Variants in AFF4 observed in about 807,000 individuals in gnomAD.
AFF4 encodes the protein AF4/FMR2 family member 4.
Under a neutral mutation model 124.8 loss-of-function variants are expected in AFF4, and 13 were observed. The observed-to-expected ratio is 0.10, with a 90% CI of 0.07 to 0.17. The LOEUF is 0.17. Among genes scored for constraint, AFF4 ranks in the 10% least tolerant of loss-of-function variants. The pLI is 1.00. For missense variants in AFF4, 1,092 were observed against 1,403.8 expected (o/e 0.78, Z 3.55); for synonymous variants, 477 against 496.1 (o/e 0.96, Z 0.51).
In AFF4 at chr5:132,888,171, A is replaced by G; in HGVS notation, c.2733-11T>C. On this transcript the variant is annotated splice_polypyrimidine_tract_variant and intron_variant, in intron 14 of 20. Transcript: ENST00000265343. Reference sequence around the variant, plus strand: ...TCTGCTGAATAATTTCTGCAAGACAAATTTTCATTATAAATAGAATAGTAA... The same window carrying G: ...TCTGCTGAATAATTTCTGCAAGACAGATTTTCATTATAAATAGAATAGTAA... 6.3e-7 allele frequency: 1 copy of G among 1,592,728 alleles called. No individual in the cohort carries two copies. The highest frequency in any genetic ancestry group is 8.6e-7 in the Non-Finnish European group (1 of 1,165,106).
Position 132,896,989 on chromosome 5 carries a change from C to A in AFF4, c.1641G>T (p.Gln547His). ...TGCTGTCACTCTGTGCAGGAGATTT[C>A]TGCCTCCCACGCCCACTTTCTGATC... Reference protein sequence around the residue: ...QKGSESGRGRQKSPAQSDSTT... With the variant: ...QKGSESGRGRHKSPAQSDSTT... Residue 547 changes from glutamine to histidine, a missense_variant, in exon 11 of 21, where the codon CAG becomes CAT. Around this residue, in one of 11 missense-constraint regions of AFF4, gnomAD observed 174 missense variants for 205.9 expected, o/e 0.84. Transcript: ENST00000265343. 6.2e-7 allele frequency: 1 copy of A among 1,614,210 alleles called. No homozygotes were observed. The highest frequency in any genetic ancestry group is 1.1e-5 in the South Asian group (1 of 91,082).
chr5:132,896,762 G>C lies in AFF4; in HGVS notation c.1868C>G (p.Pro623Arg), dbSNP rs141018136. 10 of 1,614,008 alleles carry C rather than the reference G, an allele frequency of 6.2e-6. No individual in the cohort carries two copies. The highest frequency in any genetic ancestry group is 1.3e-5 in the African/African-American group (1 of 74,896). The change falls in exon 11 of 21, where the codon CCT (proline) becomes CGT (arginine). Residue 623 changes from proline (P) to arginine (R), a missense_variant. Physicochemically the swap from Pro to Arg is moderately radical, Grantham distance 103. Coordinates refer to ENST00000265343, the MANE Select transcript of AFF4 (RefSeq NM_014423.4). ...CTTATATTTCTTTTTCTCTGCTGTA[G>C]GTCGAGGGGAAGACTTAGACTCCTT... Reference protein sequence around the residue: ...IKKESKSSPRPTAEKKKYKST... With the variant: ...IKKESKSSPRRTAEKKKYKST...
Position 132,946,060 on chromosome 5 carries a change from C to CA in AFF4, c.-4-8868dup, listed in dbSNP as rs563486879. ...GGGCAACAAGAGCAAAACTCTGTCT[C>CA]AAAAAAAATAAATTAATAAACAAGT... On this transcript the variant is annotated intron_variant, in intron 1 of 20. Transcript: ENST00000265343. Among the ~76,000 whole-genome samples the CA allele has an allele frequency of 4.0e-5, 6 of 151,406 alleles. No individual in the cohort carries two copies. In the South Asian group the frequency reaches 8.3e-4, roughly 21 times the overall value.
rs34693660 is a variant in AFF4 at position 132,920,771 on chromosome 5, T to C, written c.1050+6350A>G. 4.6e-3 allele frequency among the ~76,000 whole-genome samples: 702 copies of C among 152,160 alleles called. 9 individuals carry two copies. The highest frequency in any genetic ancestry group is 0.035 in the South Asian group (171 of 4,820). On this transcript the variant is annotated intron_variant, in intron 5 of 20. Coordinates refer to ENST00000265343, the MANE Select transcript of AFF4 (RefSeq NM_014423.4). ...GGACACTATTAAGAGAATGAAAAGG[T>C]AGTCCACAGAGCAAGAAAACAAAAT...
intron 1 of AFF4, chr5:132,943,394 G>A (rs1354263440): frequency 1.1e-5 from 2 of 187,372 alleles, no homozygotes; most frequent in African/African-American, 2.4e-5. Flanking sequence ...CTTGGTTCAA[G>A]GGATGGAAAG....
chr5:132,879,804 CA>C lies in AFF4; in HGVS notation c.*1254del, dbSNP rs560563302. ...GGCTCCACTCCCTGTCCCAAGAGCT[CA>C]CACTGAATCAAGTTAGGTACACTTT... On this transcript the variant is annotated 3_prime_UTR_variant, in exon 21 of 21. Coordinates refer to ENST00000265343, the MANE Select transcript of AFF4 (RefSeq NM_014423.4). 504 of 227,488 alleles carry C rather than the reference CA, an allele frequency of 2.2e-3. 1 individual carries two copies. The highest frequency in any genetic ancestry group is 6.7e-3 in the Middle Eastern group (5 of 742). 14.1% of individuals were successfully genotyped at this position (227,488 alleles called of 1,614,324 possible).
At chr5:132,961,482 G>A (rs1286417109) in intron 1 of AFF4, among the ~76,000 whole-genome samples, 2 of 151,970 alleles carry the variant, frequency 1.3e-5, no homozygotes, top group East Asian at 3.9e-4. Context: ...CTCTCAAAGT[G>A]CTAAAGTGCT....
chr5:132,924,931 T>C (rs1761134133), intron 5 of AFF4, among the ~76,000 whole-genome samples: 2 of 151,890 alleles, frequency 1.3e-5, no homozygotes, highest in South Asian at 4.1e-4. Context: ...ATCCTAGCAC[T>C]TTGGGAGGCC....
intron 1 of AFF4, among the ~76,000 whole-genome samples, chr5:132,955,524 A>C (rs1429702729): frequency 6.6e-6 from 1 of 152,098 alleles, no homozygotes; most frequent in Non-Finnish European, 1.5e-5. Context: ...TATGCCTGTA[A>C]TCTGAACACT....
At chr5:132,907,538 C>G (rs1476375530) in intron 5 of AFF4, among the ~76,000 whole-genome samples, 1 of 152,080 alleles carries the variant, frequency 6.6e-6, no homozygotes, top group Non-Finnish European at 1.5e-5. Context: ...CTGTAATAAA[C>G]ACAATGAAGG....
At chr5:132,916,286 G>A (rs1489450493) in intron 5 of AFF4, among the ~76,000 whole-genome samples, 1 of 144,096 alleles carries the variant, frequency 6.9e-6, no homozygotes, top group Non-Finnish European at 1.5e-5. Flanking sequence ...AAGCAGGACA[G>A]TCTCAATAGC....
intron 5 of AFF4, among the ~76,000 whole-genome samples, chr5:132,924,425 T>C (rs1761122942): frequency 6.6e-6 from 1 of 152,092 alleles, no homozygotes; most frequent in African/African-American, 2.4e-5. Flanking sequence ...TGACATAAAA[T>C]AGATCAGAAA....
chr5:132,891,994 G>A (rs1760270397), intron 13 of AFF4, 170 bp downstream of exon 13: 3 of 1,074,924 alleles, frequency 2.8e-6, no homozygotes, highest in Non-Finnish European at 4.0e-6. Context: ...CACCTTCACA[G>A]TCTTATATCA....
chr5:132,914,658 G>C (rs1425504197), intron 5 of AFF4, among the ~76,000 whole-genome samples: 1 of 150,140 alleles, frequency 6.7e-6, no homozygotes. Context: ...GAAAGATCAG[G>C]GTGGAAATCA....
chr5:132,919,180 C>G (rs1011031708), intron 5 of AFF4, among the ~76,000 whole-genome samples: 2 of 152,150 alleles, frequency 1.3e-5, no homozygotes, highest in Non-Finnish European at 2.9e-5. Flanking sequence ...GCCACTGTGC[C>G]CAGCCTAAAA....
chr5:132,937,091 A>G lies in AFF4; in HGVS notation c.99T>C (p.Pro33=). 1 of 1,613,504 alleles carries G rather than the reference A, an allele frequency of 6.2e-7. No homozygotes were observed. The highest frequency in any genetic ancestry group is 1.7e-5 in the Admixed American group (1 of 60,012). ...CAACTTTGTATGGCTCTGCAAAGAGAGGAGAGCTAGGTGGGAAGGCGTCTT... is the reference window on the plus strand; with the variant it reads ...CAACTTTGTATGGCTCTGCAAAGAGGGGAGAGCTAGGTGGGAAGGCGTCTT... The part of the protein sequence containing the change: ...QGEDAFPPSS[P]LFAEPYKVTS... Residue 33 remains proline (P), a synonymous_variant, in exon 2 of 21, where the codon CCT becomes CCC. Transcript: ENST00000265343.
At chr5:132,889,254 T>A in intron 13 of AFF4, 81 bp from the exon 14 acceptor site, 2 of 995,070 alleles carry the variant, frequency 2.0e-6, no homozygotes, top group Non-Finnish European at 3.0e-6. Context: ...CAGCCACTGG[T>A]AAAAAGGAAA....
chr5:132,884,976 T>A, intron 19 of AFF4, 100 bp downstream of exon 19: 1 of 721,584 alleles, frequency 1.4e-6, no homozygotes, highest in Non-Finnish European at 2.3e-6. Context: ...ATGGTTTTAC[T>A]TATTTAAAAA....
intron 5 of AFF4, among the ~76,000 whole-genome samples, chr5:132,925,752 A>G (rs1464996913): frequency 2.0e-5 from 3 of 152,224 alleles, no homozygotes; most frequent in Non-Finnish European, 4.4e-5. Context: ...ATAATATCAA[A>G]TGGTGGTGTG....
Sources: allele counts gnomAD v4.1 joint callset (sites outside exome capture counted in the v4.1 genomes callset), GRCh38; gene constraint gnomAD v4.1.1; regional missense constraint gnomAD v4.1.1; transcripts MANE v1.5; gene names NCBI Gene and HGNC (gene_info 2026-07-23, HGNC 2026-07-21).